The following TMPRSS7 variants were observed in gnomAD, a reference collection of about 807,000 sequenced individuals.
The protein encoded by TMPRSS7 is transmembrane serine protease 7, also known as transmembrane protease serine 7.
A neutral mutation model predicts 95.6 loss-of-function variants in TMPRSS7; 81 were observed. The ratio of observed to expected loss-of-function variants is 0.85; its 90% CI spans 0.71 to 1.02. TMPRSS7 has a LOEUF of 1.02. Ranked by LOEUF, TMPRSS7 falls within the 50% of genes least tolerant of loss-of-function variation. The pLI, the probability that TMPRSS7 is intolerant of heterozygous loss-of-function variation, is 0.00. For missense variants in TMPRSS7, 945 were observed against 955.2 expected (o/e 0.99, Z 0.14); for synonymous variants, 364 against 337.8 (o/e 1.08, Z -0.85).
intron 9 of TMPRSS7, among the ~76,000 whole-genome samples, chr3:112,053,290 T>C (rs1038515618): frequency 2.0e-5 from 3 of 152,196 alleles, no homozygotes; most frequent in African/African-American, 7.2e-5. Flanking sequence ...TCTTAGTGTC[T>C]GGTCCCATTT....
At chr3:112,077,651 A>G (rs2073728558) in intron 16 of TMPRSS7, among the ~76,000 whole-genome samples, 1 of 152,128 alleles carries the variant, frequency 6.6e-6, no homozygotes, top group African/African-American at 2.4e-5. Flanking sequence ...CCAGAAACTC[A>G]GGCCTGGAGG....
chr3:112,047,901 A>T lies in TMPRSS7; in HGVS notation c.893A>T (p.Asn298Ile), dbSNP rs759734398. The stretch of plus-strand genomic sequence containing the variant: ...AAGTCCATCCAAATCGAAGCCGACA[A>T]CTGTGTCACTGACTCCCTGACCATT... The change falls in exon 7 of 18, where the codon AAC becomes ATC. Residue 298 changes from asparagine (N) to isoleucine (I), a missense_variant. Transcript: ENST00000452346. 6 of 1,614,084 alleles carry T rather than the reference A, an allele frequency of 3.7e-6. No individual in the cohort carries two copies. In the South Asian group the frequency reaches 6.6e-5, roughly 18 times the overall value.
chr3:112,056,507 G>GCA (rs1436115761), intron 9 of TMPRSS7, among the ~76,000 whole-genome samples: 2 of 151,882 alleles, frequency 1.3e-5, no homozygotes, highest in East Asian at 1.9e-4. Flanking sequence ...ACACACACAC[G>GCA]CACACACACA....
chr3:112,041,876 A>G (rs1455368110), intron 2 of TMPRSS7, 44 bp from the exon 3 acceptor site: 1 of 1,315,498 alleles, frequency 7.6e-7, no homozygotes. Context: ...TTACTGCCAC[A>G]CAGATGGGAA....
chr3:112,046,865 T>C lies in TMPRSS7; in HGVS notation c.692-109T>C. Reference sequence around the variant, plus strand: ...GGATTATTTTAAAGTAAATCCCAGATGTGTTTGATTGCCTTTAAAGAAGGA... The same window carrying C: ...GGATTATTTTAAAGTAAATCCCAGACGTGTTTGATTGCCTTTAAAGAAGGA... On this transcript the variant is annotated intron_variant, in intron 5 of 17. Coordinates refer to ENST00000452346, the Ensembl canonical transcript of TMPRSS7. 1.9e-5 allele frequency: 13 copies of C among 676,552 alleles called. No homozygotes were observed. The South Asian group carries it at 1.9e-4, about 10-fold the overall frequency. 41.9% of individuals were successfully genotyped at this position (676,552 alleles called of 1,614,324 possible).
intron 13 of TMPRSS7, among the ~76,000 whole-genome samples, chr3:112,072,353 G>A (rs2073659221): frequency 1.3e-5 from 2 of 152,168 alleles, no homozygotes. Flanking sequence ...CGTCCCAGAG[G>A]GGCACCCGCC....
At chr3:112,069,474 A>T (rs1559962187) in intron 13 of TMPRSS7, among the ~76,000 whole-genome samples, 1 of 152,152 alleles carries the variant, frequency 6.6e-6, no homozygotes, top group Non-Finnish European at 1.5e-5. Flanking sequence ...TTTGGTTGGT[A>T]GGCTATTAAG....
intron 9 of TMPRSS7, 91 bp from the exon 10 acceptor site, chr3:112,056,934 T>A (rs7639303): frequency 1.2e-6 from 1 of 851,662 alleles, no homozygotes; most frequent in Non-Finnish European, 1.9e-6. Flanking sequence ...AGGGCGCAAG[T>A]AGAATGGCCT....
At chr3:112,059,151 C>T (rs2073470617) in intron 10 of TMPRSS7, among the ~76,000 whole-genome samples, 1 of 152,132 alleles carries the variant, frequency 6.6e-6, no homozygotes, top group Non-Finnish European at 1.5e-5. Flanking sequence ...TATATGAACC[C>T]CGAAGAAATG....
At chr3:112,069,721 CTTT>C (rs2073619553) in intron 13 of TMPRSS7, among the ~76,000 whole-genome samples, 1 of 152,036 alleles carries the variant, frequency 6.6e-6, no homozygotes. Flanking sequence ...CTCTTTTCTT[CTTT>C]ATTAATCTTG....
At chr3:112,049,883 T>A (rs745998807) in exon 8 of TMPRSS7, 2 of 1,549,814 alleles carry the variant, frequency 1.3e-6, no homozygotes, top group African/African-American at 1.4e-5. Flanking sequence ...CATTTGTTTC[T>A]ACAAATAATC....
intron 1 of TMPRSS7, among the ~76,000 whole-genome samples, chr3:112,037,855 G>A (rs139087831): frequency 6.6e-6 from 1 of 152,272 alleles, no homozygotes; most frequent in East Asian, 1.9e-4. Flanking sequence ...ACTAGGGTTT[G>A]TATACAGTAA....
At chr3:112,036,454 G>C (rs1487462820) in intron 1 of TMPRSS7, among the ~76,000 whole-genome samples, 3 of 151,968 alleles carry the variant, frequency 2.0e-5, no homozygotes, top group Non-Finnish European at 4.4e-5. Flanking sequence ...TGTAATCCCA[G>C]CTACTTGGGA....
exon 11 of TMPRSS7, chr3:112,061,911 A>G: frequency 2.5e-6 from 4 of 1,609,310 alleles, no homozygotes; most frequent in Non-Finnish European, 3.4e-6. Context: ...TGGCAGTTAC[A>G]ACATCAGTCA....
chr3:112,080,775 T>G, intron 17 of TMPRSS7, 139 bp from the exon 18 acceptor site: 1 of 729,186 alleles, frequency 1.4e-6, no homozygotes, highest in Non-Finnish European at 2.1e-6. Context: ...TTTTTCACAC[T>G]TCCCAAATTA....
Position 112,066,280 on chromosome 3 carries a change from G to T in TMPRSS7, c.1556-112G>T. The T allele has an allele frequency of 4.8e-6, 4 of 840,784 alleles. No homozygotes were observed. The Admixed American group carries it at 6.9e-5, about 15-fold the overall frequency. 52.1% of individuals were successfully genotyped at this position (840,784 alleles called of 1,614,324 possible). A position where few individuals can be genotyped will look rare whatever the true frequency, so the allele number is the denominator to read the frequency against. On this transcript the variant is annotated intron_variant, in intron 12 of 17. Transcript: ENST00000452346. ...CAGTTTTGAGGAAAATACACTTTTT[G>T]TTTTATAGGTCATCCTAATGATTTG...
At chr3:112,037,980 C>A in intron 1 of TMPRSS7, 92 bp from the exon 2 acceptor site, 1 of 637,492 alleles carries the variant, frequency 1.6e-6, no homozygotes. Flanking sequence ...CATATTTAGG[C>A]CTTTTAGTAC....
At chr3:112,051,802 A>G (rs1015238966) in intron 9 of TMPRSS7, among the ~76,000 whole-genome samples, 3 of 152,136 alleles carry the variant, frequency 2.0e-5, no homozygotes, top group Non-Finnish European at 4.4e-5. Context: ...CTATAATATC[A>G]CATGGAGACA....
intron 15 of TMPRSS7, among the ~76,000 whole-genome samples, chr3:112,076,169 T>G (rs1335007216): frequency 6.6e-6 from 1 of 152,228 alleles, no homozygotes. Context: ...CTAAGCAAAT[T>G]AGTGACCAAA....
Sources: gnomAD v4.1 joint callset for allele counts (sites outside exome capture counted in the v4.1 genomes callset) on GRCh38, gnomAD v4.1.1 for gene constraint, MANE v1.5 for transcripts, NCBI Gene and HGNC (gene_info 2026-07-23, HGNC 2026-07-21) for gene names.